Variants in MAP1LC3A observed in about 807,000 individuals in gnomAD.
The protein encoded by MAP1LC3A is microtubule associated protein 1 light chain 3 alpha.
Under a neutral mutation model 15.2 loss-of-function variants are expected in MAP1LC3A, and 10 were observed. The ratio of observed to expected loss-of-function variants is 0.66; its 90% CI spans 0.41 to 1.12. The LOEUF (loss-of-function observed/expected upper bound fraction) is 1.12, where lower values mean the gene tolerates loss of function less well. Among genes scored for constraint, MAP1LC3A ranks in the 50% most tolerant of loss-of-function variants. MAP1LC3A has a pLI of 0.00. For synonymous variants in MAP1LC3A, 63 were observed against 64.3 expected (o/e 0.98, Z 0.10); for missense variants, 138 against 167.3 (o/e 0.82, Z 0.97).
chr20:34,550,344 C>A (rs989038052), intron 2 of MAP1LC3A, among the ~76,000 whole-genome samples: 3 of 152,142 alleles, frequency 2.0e-5, no homozygotes, highest in Non-Finnish European at 4.4e-5. Context: ...TCTGTCCCTG[C>A]GCATGGTCTA....
At chr20:34,552,864 G>T (rs536929511) in intron 2 of MAP1LC3A, among the ~76,000 whole-genome samples, 6 of 152,204 alleles carry the variant, frequency 3.9e-5, no homozygotes, top group Admixed American at 1.3e-4. Context: ...GTGGTGGAAG[G>T]GGGTGGTAAA....
At chr20:34,550,743 C>T (rs1019732084) in intron 2 of MAP1LC3A, among the ~76,000 whole-genome samples, 2 of 152,108 alleles carry the variant, frequency 1.3e-5, no homozygotes, top group Non-Finnish European at 2.9e-5. Context: ...CACACCTGCC[C>T]CCAAAGCCAG....
At chr20:34,551,590 G>A (rs1004263067) in intron 2 of MAP1LC3A, among the ~76,000 whole-genome samples, 1 of 150,470 alleles carries the variant, frequency 6.6e-6, no homozygotes, top group Non-Finnish European at 1.5e-5. Flanking sequence ...TCCGATTCAG[G>A]AGGTAGCTGG....
upstream of MAP1LC3A, among the ~76,000 whole-genome samples, chr20:34,555,977 G>A (rs539409044): frequency 5.9e-5 from 9 of 152,124 alleles, no homozygotes; most frequent in African/African-American, 1.9e-4. Flanking sequence ...CGAGTAGCTG[G>A]AACTACAGGC....
At chr20:34,548,669 A>G (rs557060634) in intron 1 of MAP1LC3A, among the ~76,000 whole-genome samples, 21 of 150,436 alleles carry the variant, frequency 1.4e-4, no homozygotes, top group African/African-American at 5.1e-4. Flanking sequence ...AGTGGGTCTC[A>G]GTCCCTACAA....
chr20:34,559,540 G>GT, intron 3 of MAP1LC3A, 87 bp downstream of exon 3: 1 of 1,353,368 alleles, frequency 7.4e-7, no homozygotes, highest in Non-Finnish European at 1.0e-6. Flanking sequence ...GGGGTCAGGG[G>GT]TGATGGGACC....
upstream of MAP1LC3A, among the ~76,000 whole-genome samples, chr20:34,555,848 T>C (rs1181698798): frequency 7.0e-6 from 1 of 143,372 alleles, no homozygotes; most frequent in Non-Finnish European, 1.5e-5. Flanking sequence ...TTTTCTTTCT[T>C]TTTTTTTTTT....
At chr20:34,549,940 A>G (rs1981883838) in exon 2 of MAP1LC3A, 10 of 1,603,228 alleles carry the variant, frequency 6.2e-6, no homozygotes, top group Non-Finnish European at 8.5e-6. Flanking sequence ...CTGACCCTCC[A>G]CCTCAGAGGT....
chr20:34,551,765 T>G (rs1385004887), intron 2 of MAP1LC3A, among the ~76,000 whole-genome samples: 1 of 151,322 alleles, frequency 6.6e-6, no homozygotes, highest in Non-Finnish European at 1.5e-5. Flanking sequence ...CGCCTGGCCA[T>G]GTTCTCTATC....
upstream of MAP1LC3A, among the ~76,000 whole-genome samples, chr20:34,554,186 C>G (rs1026552397): frequency 6.6e-6 from 1 of 150,548 alleles, no homozygotes; most frequent in Non-Finnish European, 1.5e-5. Context: ...CTTGGATTTC[C>G]TGGCTGTGAG....
chr20:34,549,483 A>G (rs1235377402), intron 1 of MAP1LC3A, among the ~76,000 whole-genome samples: 1 of 152,206 alleles, frequency 6.6e-6, no homozygotes, highest in Non-Finnish European at 1.5e-5. Context: ...GATGCAGGGC[A>G]GGTTCTTTGC....
chr20:34,559,477 AG>A, intron 3 of MAP1LC3A, 24 bp downstream of exon 3: 1 of 1,595,886 alleles, frequency 6.3e-7, no homozygotes, highest in Non-Finnish European at 8.6e-7. Context: ...CGCCGCCAGG[AG>A]GTGGCTAGGG....
At chr20:34,548,031 A>T (rs1322867805) in intron 1 of MAP1LC3A, among the ~76,000 whole-genome samples, 1 of 152,112 alleles carries the variant, frequency 6.6e-6, no homozygotes, top group Non-Finnish European at 1.5e-5. Context: ...CGGAGCAGTG[A>T]CGGTGGAGAC....
In MAP1LC3A at chr20:34,559,761, C is replaced by T. The variant is rs1012325449; in HGVS notation, c.229C>T (p.Gln77Ter). 4 of 1,611,620 alleles carry T rather than the reference C, an allele frequency of 2.5e-6. No individual in the cohort carries two copies. The African/African-American group carries it at 5.3e-5, about 22-fold the overall frequency. Reference sequence around the variant, plus strand: ...GCGCCGCCTGCAGCTGAACCCCACGCAGGCCTTCTTCCTGCTGGTGAACCA... The same window carrying T: ...GCGCCGCCTGCAGCTGAACCCCACGTAGGCCTTCTTCCTGCTGGTGAACCA... ...IRRRLQLNPTQAFFLLVNQHS... is the reference protein window; with the variant it reads ...IRRRLQLNPT The change falls in exon 4 of 4, where the codon CAG becomes TAG. Residue 77 changes from glutamine (Q) to a stop codon, truncating the protein, a stop_gained. Coordinates refer to ENST00000360668, the MANE Select transcript of MAP1LC3A (RefSeq NM_032514.4). LOFTEE classifies it high-confidence loss of function.
In MAP1LC3A at chr20:34,558,755, A is replaced by G; in HGVS notation, c.-114A>G. 1 of 1,322,988 alleles carries G rather than the reference A, an allele frequency of 7.6e-7. No individual in the cohort carries two copies. Among genetic ancestry groups the G allele is most frequent in the Non-Finnish European group, 9.6e-7 (1 of 1,042,772 alleles). The allele number at this position is 1,322,988 out of a possible 1,614,324, so 82.0% of individuals were successfully genotyped here. A position where few individuals can be genotyped will look rare whatever the true frequency, so the allele number is the denominator to read the frequency against. ...TCCCGCAGCCGCAGCCGCCGTGCTC[A>G]GCGCGAGCCCCGGAGCCCTTGAGCG... On this transcript the variant is annotated 5_prime_UTR_variant, in exon 1 of 4. Coordinates refer to ENST00000360668, the MANE Select transcript of MAP1LC3A (RefSeq NM_032514.4). The surrounding 1 kb of genome is among the most constrained non-coding windows in gnomAD (Gnocchi z 4.3).
At chr20:34,558,226 G>A, upstream of MAP1LC3A, 1 of 979,808 alleles carries the variant, frequency 1.0e-6, no homozygotes, top group Non-Finnish European at 1.2e-6. The surrounding 1 kb of genome is among the most constrained non-coding windows in gnomAD (Gnocchi z 4.3). Flanking sequence ...AATTTCGATG[G>A]CTCTACTTTT....
chr20:34,550,310 C>T (rs956298887), intron 2 of MAP1LC3A, among the ~76,000 whole-genome samples: 18 of 152,166 alleles, frequency 1.2e-4, no homozygotes, highest in African/African-American at 4.1e-4. Flanking sequence ...CTCCTAGCAC[C>T]CAGCAGCAGT....
At chr20:34,558,203 C>A, upstream of MAP1LC3A, 1 of 974,840 alleles carries the variant, frequency 1.0e-6, no homozygotes, top group Non-Finnish European at 1.2e-6. The surrounding 1 kb of genome is among the most constrained non-coding windows in gnomAD (Gnocchi z 4.3). Context: ...CTCACCTCAT[C>A]CTCTGAGACC....
intron 2 of MAP1LC3A, among the ~76,000 whole-genome samples, chr20:34,551,301 C>A (rs1160750673): frequency 6.6e-6 from 1 of 151,476 alleles, no homozygotes; most frequent in Non-Finnish European, 1.5e-5. Context: ...CTCAAAACTT[C>A]ATGTTGAATT....
Sources: allele counts gnomAD v4.1 joint callset (sites outside exome capture counted in the v4.1 genomes callset), GRCh38; gene constraint gnomAD v4.1.1; non-coding constraint Gnocchi (gnomAD v3.1); transcripts MANE v1.5; gene names NCBI Gene and HGNC (gene_info 2026-07-23, HGNC 2026-07-21).